The following KCNAB1 variants were observed in gnomAD, a reference collection of about 807,000 sequenced individuals.
The protein encoded by KCNAB1 is potassium voltage-gated channel subfamily A regulatory beta subunit 1.
In KCNAB1, 35 loss-of-function variants were observed where a neutral mutation model predicts 64.6. The observed-to-expected ratio is 0.54, with a 90% confidence interval of 0.41 to 0.72. The LOEUF is 0.72. Among genes scored for constraint, KCNAB1 ranks in the 30% least tolerant of loss-of-function variants. The pLI is 0.00. For missense variants in KCNAB1, 401 were observed against 512.9 expected, an observed-to-expected ratio of 0.78 and a Z score of 2.11; for synonymous variants, 177 against 183.8, an observed-to-expected ratio of 0.96 and a Z score of 0.30.
intron 8 of KCNAB1, among the ~76,000 whole-genome samples, chr3:156,506,173 G>C (rs1716823619): frequency 6.6e-6 from 1 of 152,166 alleles, no homozygotes; most frequent in East Asian, 1.9e-4. Context: ...TGTTGATTTT[G>C]TGTCCTGCAA....
intron 1 of KCNAB1, among the ~76,000 whole-genome samples, chr3:156,172,085 C>T (rs907049054): frequency 2.0e-5 from 3 of 152,168 alleles, no homozygotes; most frequent in Admixed American, 6.5e-5. Flanking sequence ...ACAAGGTGAG[C>T]GTTTGATGCC....
intron 1 of KCNAB1, among the ~76,000 whole-genome samples, chr3:156,196,987 G>A (rs185240761): frequency 2.8e-4 from 42 of 152,222 alleles, no homozygotes; most frequent in Admixed American, 2.4e-3. Context: ...TCAATACCTA[G>A]TTTATTGACA....
chr3:156,360,156 T>C (rs911087879), intron 1 of KCNAB1, among the ~76,000 whole-genome samples: 5 of 152,278 alleles, frequency 3.3e-5, no homozygotes, highest in African/African-American at 1.2e-4. Flanking sequence ...AAAAACAGTA[T>C]ATTACCATAT....
chr3:156,507,993 G>A (rs1716937773), intron 8 of KCNAB1, among the ~76,000 whole-genome samples: 1 of 152,126 alleles, frequency 6.6e-6, no homozygotes, highest in South Asian at 2.1e-4. Context: ...TTACATAAAA[G>A]TATAACATAT....
intron 13 of KCNAB1, among the ~76,000 whole-genome samples, chr3:156,531,941 G>A (rs1053809298): frequency 2.0e-5 from 3 of 152,122 alleles, no homozygotes; most frequent in Admixed American, 1.3e-4. Context: ...TTATGATAAT[G>A]TAGTATAACT....
At chr3:156,254,859 T>C (rs529041996) in intron 1 of KCNAB1, among the ~76,000 whole-genome samples, 9 of 152,390 alleles carry the variant, frequency 5.9e-5, no homozygotes, top group Admixed American at 1.3e-4. Flanking sequence ...TTTCCTGATT[T>C]GGCCTTTGGG....
chr3:156,408,193 G>A (rs778292387), intron 1 of KCNAB1, among the ~76,000 whole-genome samples: 2 of 152,102 alleles, frequency 1.3e-5, no homozygotes, highest in Non-Finnish European at 2.9e-5. Flanking sequence ...AACTCAGCAG[G>A]GACCCTATCC....
chr3:156,505,588 C>G (rs1716782972), intron 8 of KCNAB1, among the ~76,000 whole-genome samples: 1 of 152,084 alleles, frequency 6.6e-6, no homozygotes, highest in Admixed American at 6.6e-5. Flanking sequence ...TCATCAGTTT[C>G]ATAATTTTAA....
chr3:156,273,592 G>A, intron 1 of KCNAB1: 1 of 456,658 alleles, frequency 2.2e-6, no homozygotes, highest in Non-Finnish European at 4.4e-6. Context: ...CTGCTGTGGG[G>A]TGGGAGAAGG....
intron 1 of KCNAB1, among the ~76,000 whole-genome samples, chr3:156,219,173 A>T (rs7633871): frequency 6.6e-6 from 1 of 151,704 alleles, no homozygotes. Flanking sequence ...GAGGCATCAG[A>T]CAAAGGTGAA....
At chr3:156,126,676 C>T (rs917610481) in intron 1 of KCNAB1, among the ~76,000 whole-genome samples, 1 of 152,192 alleles carries the variant, frequency 6.6e-6, no homozygotes, top group African/African-American at 2.4e-5. Flanking sequence ...CTGCGAGAAG[C>T]AGTTGGTTTT....
chr3:156,286,423 C>T (rs897036734), intron 1 of KCNAB1, among the ~76,000 whole-genome samples: 1 of 152,140 alleles, frequency 6.6e-6, no homozygotes, highest in African/African-American at 2.4e-5. Context: ...TTTGGATAAA[C>T]CCAATTTTGC....
chr3:156,179,706 A>C (rs989503021), intron 1 of KCNAB1, among the ~76,000 whole-genome samples: 1 of 152,228 alleles, frequency 6.6e-6, no homozygotes, highest in African/African-American at 2.4e-5. Flanking sequence ...GAAAGTGATG[A>C]GACTACATAT....
chr3:156,202,163 G>T (rs1560134250), intron 1 of KCNAB1, among the ~76,000 whole-genome samples: 1 of 152,132 alleles, frequency 6.6e-6, no homozygotes, highest in Non-Finnish European at 1.5e-5. Flanking sequence ...AACCCTCTAG[G>T]CTCAACACTG....
At chr3:156,267,126 A>T (rs1718767528) in intron 1 of KCNAB1, among the ~76,000 whole-genome samples, 1 of 152,156 alleles carries the variant, frequency 6.6e-6, no homozygotes, top group Non-Finnish European at 1.5e-5. Context: ...TTCGGTATAT[A>T]GTATATCTTT....
At chr3:156,351,412 G>C (rs141329219) in intron 1 of KCNAB1, among the ~76,000 whole-genome samples, 1 of 152,250 alleles carries the variant, frequency 6.6e-6, no homozygotes, top group Admixed American at 6.5e-5. Context: ...TGCCTGGCAC[G>C]CTGGGCTCCA....
chr3:156,534,924 T>A (rs191579962), intron 13 of KCNAB1, among the ~76,000 whole-genome samples: 142 of 152,332 alleles, frequency 9.3e-4, no homozygotes, highest in Non-Finnish European at 1.8e-3. Context: ...TTCATTTTTT[T>A]AATGTTTAAA....
chr3:156,289,907 A>G (rs1720299961), intron 1 of KCNAB1, among the ~76,000 whole-genome samples: 1 of 152,058 alleles, frequency 6.6e-6, no homozygotes, highest in Admixed American at 6.6e-5. Flanking sequence ...AAACCTGGCA[A>G]CCCCTGGGAT....
At chr3:156,535,523 A>G (rs964508129) in intron 13 of KCNAB1, among the ~76,000 whole-genome samples, 3 of 152,138 alleles carry the variant, frequency 2.0e-5, no homozygotes, top group Non-Finnish European at 4.4e-5. Flanking sequence ...TCCGGCAGCT[A>G]CTAAGCTCCA....
Sources: gnomAD v4.1 joint callset for allele counts (sites outside exome capture counted in the v4.1 genomes callset) on GRCh38, gnomAD v4.1.1 for gene constraint, MANE v1.5 for transcripts, NCBI Gene and HGNC (gene_info 2026-07-23, HGNC 2026-07-21) for gene names.